The following GRM8 variants were observed in gnomAD, a reference collection of about 807,000 sequenced individuals.
GRM8 encodes the protein metabotropic glutamate receptor 8.
Under a neutral mutation model 87.2 loss-of-function variants are expected in GRM8, and 47 were observed. The observed-to-expected ratio is 0.54, with a 90% CI of 0.43 to 0.69. The LOEUF is 0.69. Ranked by LOEUF, GRM8 falls within the 30% of genes least tolerant of loss-of-function variation. The pLI is 0.00. For missense variants in GRM8, 1,019 were observed against 1,139.2 expected, an observed-to-expected ratio of 0.89 and a Z score of 1.52; for synonymous variants, 396 against 404.5, an observed-to-expected ratio of 0.98 and a Z score of 0.25.
At chr7:127,076,225 G>A (rs1822242929) in intron 3 of GRM8, 1 of 456,416 alleles carries the variant, frequency 2.2e-6, no homozygotes, top group Admixed American at 2.4e-5. Context: ...ATCCCAAACA[G>A]GGATGGATAA....
At chr7:126,523,186 A>G (rs560747142) in intron 9 of GRM8, among the ~76,000 whole-genome samples, 8 of 152,346 alleles carry the variant, frequency 5.3e-5, no homozygotes, top group African/African-American at 1.9e-4. Context: ...AAAATTTATT[A>G]TATATCAAAA....
intron 2 of GRM8, among the ~76,000 whole-genome samples, chr7:127,145,685 C>T (rs943152406): frequency 1.3e-5 from 2 of 151,930 alleles, no homozygotes; most frequent in African/African-American, 4.8e-5. Flanking sequence ...CACTTTGAAG[C>T]AGAGTGGCAT....
At chr7:126,853,088 A>C (rs551407721) in intron 6 of GRM8, among the ~76,000 whole-genome samples, 1 of 152,312 alleles carries the variant, frequency 6.6e-6, no homozygotes, top group East Asian at 1.9e-4. Flanking sequence ...CAGGGTTTTC[A>C]AAGAAGGATG....
intron 1 of GRM8, among the ~76,000 whole-genome samples, chr7:127,247,324 C>T (rs1798631055): frequency 1.3e-5 from 2 of 152,150 alleles, no homozygotes; most frequent in Admixed American, 6.5e-5. Flanking sequence ...GGGCATTTAG[C>T]AGGTATGATT....
At chr7:126,940,310 T>C (rs1256041830) in intron 3 of GRM8, among the ~76,000 whole-genome samples, 5 of 152,216 alleles carry the variant, frequency 3.3e-5, no homozygotes, top group African/African-American at 1.2e-4. Flanking sequence ...GTGTTTCCTC[T>C]TGCAGGTTTC....
At chr7:127,103,393 A>T (rs1825512649) in intron 3 of GRM8, among the ~76,000 whole-genome samples, 1 of 152,094 alleles carries the variant, frequency 6.6e-6, no homozygotes, top group African/African-American at 2.4e-5. Context: ...AAATCTGTTC[A>T]TTTAAAAGTG....
At chr7:127,090,430 C>T (rs1270633434) in intron 3 of GRM8, among the ~76,000 whole-genome samples, 2 of 152,164 alleles carry the variant, frequency 1.3e-5, no homozygotes, top group Non-Finnish European at 2.9e-5. Flanking sequence ...TCTCATGTTA[C>T]ATACCTGGAA....
intron 3 of GRM8, among the ~76,000 whole-genome samples, chr7:127,013,276 T>C (rs1316456618): frequency 6.6e-6 from 1 of 152,200 alleles, no homozygotes; most frequent in Non-Finnish European, 1.5e-5. Context: ...TTCTCTGAGC[T>C]GTTTTCTGTA....
At chr7:126,571,296 T>A (rs1277150852) in intron 8 of GRM8, among the ~76,000 whole-genome samples, 1 of 152,152 alleles carries the variant, frequency 6.6e-6, no homozygotes, top group Non-Finnish European at 1.5e-5. Context: ...CAGCTTCAAT[T>A]ACAATCTATT....
chr7:127,048,809 G>T (rs1819188436), intron 3 of GRM8, among the ~76,000 whole-genome samples: 1 of 152,096 alleles, frequency 6.6e-6, no homozygotes, highest in Admixed American at 6.5e-5. Context: ...CATGATTTTA[G>T]ACTAATCATG....
intron 9 of GRM8, among the ~76,000 whole-genome samples, chr7:126,463,715 C>T (rs973615911): frequency 6.6e-6 from 1 of 151,528 alleles, no homozygotes; most frequent in African/African-American, 2.4e-5. Flanking sequence ...GGAAGTTGGG[C>T]TGTCAAGTTA....
chr7:126,578,602 G>C (rs560398643), intron 8 of GRM8, among the ~76,000 whole-genome samples: 4 of 152,252 alleles, frequency 2.6e-5, no homozygotes, highest in Admixed American at 6.5e-5. Context: ...GCCACTAAGG[G>C]AGCAGCAGCA....
intron 3 of GRM8, among the ~76,000 whole-genome samples, chr7:126,969,239 AAAC>A (rs1810175690): frequency 6.6e-6 from 1 of 152,184 alleles, no homozygotes; most frequent in Non-Finnish European, 1.5e-5. Flanking sequence ...TTGTAAAATA[AAAC>A]AACAATAAAA....
At chr7:126,870,133 G>A (rs942625814) in intron 6 of GRM8, 3 of 151,998 alleles carry the variant, frequency 2.0e-5, no homozygotes, top group Admixed American at 6.6e-5. Context: ...TAAACCTCAC[G>A]AAGTAACTTC....
intron 8 of GRM8, among the ~76,000 whole-genome samples, chr7:126,563,663 G>A (rs1165561480): frequency 1.3e-5 from 2 of 152,076 alleles, no homozygotes; most frequent in Non-Finnish European, 2.9e-5. Context: ...GTTTAGGGGA[G>A]TGGCTTTGGC....
chr7:126,904,721 G>A (rs375400410), intron 3 of GRM8, 38 bp from the exon 4 acceptor site: 47 of 1,595,146 alleles, frequency 2.9e-5, no homozygotes, highest in Non-Finnish European at 3.9e-5. Flanking sequence ...TTCAGAAAGA[G>A]CATTTATTTA....
At chr7:126,809,196 C>T (rs1451605040) in intron 6 of GRM8, among the ~76,000 whole-genome samples, 1 of 152,044 alleles carries the variant, frequency 6.6e-6, no homozygotes, top group East Asian at 1.9e-4. Context: ...TTATAAGGAC[C>T]ACTGTGATTA....
intron 9 of GRM8, among the ~76,000 whole-genome samples, chr7:126,468,602 T>A (rs1479590117): frequency 6.6e-6 from 1 of 152,120 alleles, no homozygotes; most frequent in African/African-American, 2.4e-5. Context: ...GTCTTGCATT[T>A]CATTGCCATT....
chr7:126,896,213 T>C (rs547176337), intron 6 of GRM8, among the ~76,000 whole-genome samples: 4 of 151,342 alleles, frequency 2.6e-5, no homozygotes, highest in African/African-American at 9.7e-5. Context: ...GCCTGTTTTG[T>C]CATCTCAGAT....
Sources: allele counts gnomAD v4.1 joint callset (sites outside exome capture counted in the v4.1 genomes callset), GRCh38; gene constraint gnomAD v4.1.1; transcripts MANE v1.5; gene names NCBI Gene and HGNC (gene_info 2026-07-23, HGNC 2026-07-21).